SHF: variants seen among roughly 807,000 people sequenced by gnomAD.
SHF encodes the protein Src homology 2 domain containing F.
A neutral mutation model predicts 42.4 loss-of-function variants in SHF; 30 were observed. The ratio of observed to expected loss-of-function variants is 0.71; its 90% CI spans 0.53 to 0.96. SHF has a LOEUF of 0.96. Ranked by LOEUF, SHF falls within the 40% of genes least tolerant of loss-of-function variation. SHF has a pLI of 0.00. For missense variants in SHF, 598 were observed against 634.0 expected (o/e 0.94, Z 0.61); for synonymous variants, 264 against 269.9 (o/e 0.98, Z 0.21).
intron 1 of SHF, among the ~76,000 whole-genome samples, chr15:45,184,898 C>G (rs913509101): frequency 2.0e-4 from 31 of 152,224 alleles, no homozygotes; most frequent in Non-Finnish European, 2.6e-4. Flanking sequence ...GATGGCCACC[C>G]CTGCACCCCT....
chr15:45,172,874 C>T (rs1897585376), intron 4 of SHF, among the ~76,000 whole-genome samples: 1 of 151,924 alleles, frequency 6.6e-6, no homozygotes. Context: ...CCCTCCCCAA[C>T]CCACAGAGGC....
intron 1 of SHF, among the ~76,000 whole-genome samples, chr15:45,181,446 A>T (rs1025961610): frequency 4.6e-5 from 7 of 152,160 alleles, no homozygotes; most frequent in South Asian, 2.1e-4. Flanking sequence ...CCCAGGATAG[A>T]CTGCTTAGTG....
At chr15:45,196,269 T>G (rs888302377) in intron 2 of SHF, among the ~76,000 whole-genome samples, 1 of 152,138 alleles carries the variant, frequency 6.6e-6, no homozygotes, top group Non-Finnish European at 1.5e-5. Context: ...AAGTTTTGTA[T>G]TTTTAGTAGA....
chr15:45,178,960 C>T (rs2141377111), intron 1 of SHF, among the ~76,000 whole-genome samples: 1 of 152,330 alleles, frequency 6.6e-6, no homozygotes. Flanking sequence ...ATAGCTTACA[C>T]CAGGTGGTTC....
Position 45,187,597 on chromosome 15 carries a change from G to C in SHF, c.355C>G (p.Leu119Val), listed in dbSNP as rs1898502551. 8.1e-7 allele frequency: 1 copy of C among 1,230,304 alleles called. No individual in the cohort carries two copies. Among genetic ancestry groups the C allele is most frequent in the African/African-American group, 1.6e-5 (1 of 64,302 alleles). The allele number at this position is 1,230,304 out of a possible 1,614,324, so 76.2% of individuals were successfully genotyped here. A position where few individuals can be genotyped will look rare whatever the true frequency, so the allele number is the denominator to read the frequency against. ...YSGGSSGSAA[L>V]ATPVAPGPTP... ...GGTCCGGGGGCGACAGGGGTGGCGA[G>C]GGCGGCGGAGCCGGACGACCCCCCG... is the stretch of plus-strand genomic sequence containing the variant. Residue 119 changes from leucine (L) to valine (V), a missense_variant, in exon 1 of 7, where the codon CTC (leucine) becomes GTC (valine). This residue lies in a region of SHF where 439 missense variants were observed against 524.6 expected (regional missense o/e 0.84). Transcript: ENST00000690270.
intron 6 of SHF, chr15:45,171,562 T>G (rs958074983): frequency 5.3e-6 from 2 of 376,928 alleles, no homozygotes; most frequent in Non-Finnish European, 9.8e-6. Context: ...TCCCATGCAT[T>G]ATTTCACCTA....
chr15:45,168,388 T>C (rs2141328196), intron 6 of SHF, among the ~76,000 whole-genome samples: 1 of 152,160 alleles, frequency 6.6e-6, no homozygotes, highest in East Asian at 1.9e-4. Flanking sequence ...GCATACAGGG[T>C]GTGTGCAGGT....
In SHF at chr15:45,199,122, T is replaced by C. The variant is rs1221210670; in HGVS notation, c.-46-2A>G. 6.8e-7 allele frequency: 1 copy of C among 1,477,198 alleles called. No homozygotes were observed. The highest frequency in any genetic ancestry group is 2.4e-5 in the East Asian group (1 of 41,144). The allele number at this position is 1,477,198 out of a possible 1,614,324, so 91.5% of individuals were successfully genotyped here. A position where few individuals can be genotyped will look rare whatever the true frequency, so the allele number is the denominator to read the frequency against. Reference sequence around the variant, plus strand: ...GCCTCTGTGGAGATTGTGGACACCCTAGAACCAGGTTCCACGTAGAAAAAA... The same window carrying C: ...GCCTCTGTGGAGATTGTGGACACCCCAGAACCAGGTTCCACGTAGAAAAAA... On this transcript the variant is annotated splice_acceptor_variant, in intron 1 of 7. Coordinates refer to the SHF transcript ENST00000290894. LOFTEE classifies it low-confidence loss of function (5UTR_SPLICE).
At chr15:45,175,731 C>G (rs1327576195) in intron 2 of SHF, among the ~76,000 whole-genome samples, 1 of 152,140 alleles carries the variant, frequency 6.6e-6, no homozygotes, top group Non-Finnish European at 1.5e-5. Flanking sequence ...GAGGCACAAC[C>G]CTCCCGTTGT....
intron 1 of SHF, among the ~76,000 whole-genome samples, chr15:45,181,942 A>G (rs1898149264): frequency 6.6e-6 from 1 of 152,206 alleles, no homozygotes. Context: ...AGATTTCCAA[A>G]CTAGTAAAGT....
At chr15:45,198,256 A>G (rs1431321494) in intron 2 of SHF, among the ~76,000 whole-genome samples, 1 of 152,136 alleles carries the variant, frequency 6.6e-6, no homozygotes, top group East Asian at 1.9e-4. Context: ...CCTGGGCGAC[A>G]GGGGAGACTG....
chr15:45,169,187 A>C (rs1166424515), intron 6 of SHF, among the ~76,000 whole-genome samples: 1 of 152,202 alleles, frequency 6.6e-6, no homozygotes, highest in Non-Finnish European at 1.5e-5. Flanking sequence ...CACCCCCCGG[A>C]GAAGTGAGGC....
chr15:45,180,546 C>CT (rs1898074867), intron 1 of SHF, among the ~76,000 whole-genome samples: 1 of 152,252 alleles, frequency 6.6e-6, no homozygotes, highest in East Asian at 1.9e-4. Flanking sequence ...AAAGCTTCCA[C>CT]TTTCCTCTTT....
intron 2 of SHF, among the ~76,000 whole-genome samples, chr15:45,196,138 C>A (rs1292335639): frequency 1.4e-5 from 2 of 141,804 alleles, no homozygotes; most frequent in East Asian, 4.1e-4. Context: ...GGCTCTGTCA[C>A]CTAGGCTGGA....
At chr15:45,171,508 T>A in intron 6 of SHF, 1 of 215,244 alleles carries the variant, frequency 4.6e-6, no homozygotes, top group Non-Finnish European at 9.4e-6. Flanking sequence ...CCATTAATAA[T>A]GACAGTGATA....
At chr15:45,198,488 A>G in intron 2 of SHF, 1 of 373,824 alleles carries the variant, frequency 2.7e-6, no homozygotes, top group Non-Finnish European at 4.8e-6. Flanking sequence ...GGAGTGCCTC[A>G]GTTTTCAAAG....
rs150512042 is a variant in SHF at position 45,194,864 on chromosome 15, C to T, written c.303+3908G>A. Among the ~76,000 whole-genome samples, 565 of 152,306 alleles carry T rather than the reference C, an allele frequency of 3.7e-3. 5 individuals carry two copies. The highest frequency in any genetic ancestry group is 0.013 in the African/African-American group (521 of 41,554). On this transcript the variant is annotated intron_variant, in intron 2 of 7. Coordinates refer to the SHF transcript ENST00000290894. ...TTTATTTTTGAGACAGGCTATCACT[C>T]TGTCTTCCAGGCTGAGTACAGTGGT...
intron 2 of SHF, among the ~76,000 whole-genome samples, chr15:45,177,004 C>T (rs1265308760): frequency 6.6e-6 from 1 of 152,188 alleles, no homozygotes; most frequent in Non-Finnish European, 1.5e-5. Context: ...TAGGGTGAAC[C>T]TCCATTCTGC....
rs757317522 is a variant in SHF at position 45,199,046 on chromosome 15, C to T, written c.29G>A (p.Ser10Asn). ...CAGGGTTCCGGTCCTACAGGGGGCG[C>T]TCCTCACGGGTCCTCCCTCCTGCTG... is the stretch of plus-strand genomic sequence containing the variant. The change falls in exon 2 of 8, where the codon AGC (serine) becomes AAC (asparagine). Residue 10 changes from serine (S) to asparagine (N), a missense_variant. Physicochemically the swap from Ser to Asn is conservative, Grantham distance 46 (BLOSUM62 1). Coordinates refer to the SHF transcript ENST00000290894. The T allele has an allele frequency of 8.7e-6, 14 of 1,600,646 alleles. No individual in the cohort carries two copies. The African/African-American group carries it at 1.6e-4, about 18-fold the overall frequency.
Sources: gnomAD v4.1 joint callset for allele counts (sites outside exome capture counted in the v4.1 genomes callset) on GRCh38, gnomAD v4.1.1 for gene constraint, gnomAD v4.1.1 regional missense constraint, MANE v1.5 for transcripts, NCBI Gene and HGNC (gene_info 2026-07-23, HGNC 2026-07-21) for gene names.